Variants in MYBPC2 observed in about 807,000 individuals in gnomAD.
MYBPC2 encodes the protein myosin binding protein C2.
In MYBPC2, 122 loss-of-function variants were observed where a neutral mutation model predicts 137.0. That is an observed-to-expected ratio of 0.89 (90% CI 0.77 to 1.03). MYBPC2 has a LOEUF of 1.03. MYBPC2 is among the 50% of genes least tolerant of loss of function. The probability of loss-of-function intolerance (pLI) is 0.00; values close to 1 mark genes in which losing one functional copy is unlikely to be tolerated. For missense variants in MYBPC2, 1,500 were observed against 1,534.4 expected, an observed-to-expected ratio of 0.98 and a Z score of 0.37; for synonymous variants, 626 against 612.3, an observed-to-expected ratio of 1.02 and a Z score of -0.33.
rs375515374 is a variant in MYBPC2 at position 50,458,795 on chromosome 19, G to A, written c.2506+41G>A. 2.1e-5 allele frequency: 33 copies of A among 1,604,098 alleles called. No homozygotes were observed. In the African/African-American group the frequency reaches 3.5e-4, roughly 17 times the overall value. On this transcript the variant is annotated intron_variant, in intron 21 of 27. Coordinates refer to ENST00000357701, the MANE Select transcript of MYBPC2 (RefSeq NM_004533.4). ...CCCTGCGCTCCGAAAGACCAAGCTG[G>A]CGTCGTCCCGCCTGCCCTTTCCGTG...
chr19:50,444,495 T>C (rs936705574), intron 11 of MYBPC2, among the ~76,000 whole-genome samples: 1 of 152,216 alleles, frequency 6.6e-6, no homozygotes, highest in Non-Finnish European at 1.5e-5. Context: ...TTCATCCATC[T>C]ATGTACCTAT....
intron 12 of MYBPC2, among the ~76,000 whole-genome samples, chr19:50,446,546 G>A (rs970606817): frequency 6.7e-6 from 1 of 150,000 alleles, no homozygotes. Context: ...AAACCTGGGC[G>A]CGGTGGCTCA....
At position 50,443,137 on chromosome 19, in the gene MYBPC2, T is replaced by G. The variant is rs12976178; in HGVS notation, c.903-357T>G. Among the ~76,000 whole-genome samples, 902 of 151,814 alleles carry G rather than the reference T, an allele frequency of 5.9e-3. 8 individuals carry two copies. Among genetic ancestry groups the G allele is most frequent in the South Asian group, 0.028 (133 of 4,798 alleles). ...CGAGATCCCATCTCTACAAAAAAAT[T>G]AAAAAATTAGAAGATACCAAGAAAA... is the stretch of plus-strand genomic sequence containing the variant. On this transcript the variant is annotated intron_variant, in intron 9 of 27. Transcript: ENST00000357701.
At chr19:50,437,600 G>T in intron 6 of MYBPC2, 59 bp from the exon 7 acceptor site, 1 of 1,590,670 alleles carries the variant, frequency 6.3e-7, no homozygotes, top group East Asian at 2.3e-5. Context: ...GGGAGGATTG[G>T]GGAAGGCAAG....
At chr19:50,446,735 G>A (rs556181111) in intron 12 of MYBPC2, among the ~76,000 whole-genome samples, 8 of 149,058 alleles carry the variant, frequency 5.4e-5, no homozygotes, top group South Asian at 2.1e-4. Context: ...CAGGAGAATC[G>A]CTTGAACCCA....
rs531319415 is a variant in MYBPC2, at chr19:50,436,122, C to T, written c.307C>T (p.Arg103Cys). The T allele has an allele frequency of 1.8e-5, 29 of 1,581,372 alleles. No homozygotes were observed. The highest frequency in any genetic ancestry group is 2.3e-5 in the East Asian group (1 of 42,934). ...GGAGCTGGGCAGCAAGAGTGGCGCC[C>T]GCTTCTCCTTCAAGGAGTCCCACAA... Reference protein sequence around the residue: ...WLELGSKSGARFSFKESHNSA... With the variant: ...WLELGSKSGACFSFKESHNSA... The change falls in exon 4 of 28, where the codon CGC (arginine) becomes TGC (cysteine). Residue 103 changes from arginine (R) to cysteine (C), a missense_variant. Transcript: ENST00000357701.
Position 50,435,784 on chromosome 19 carries a change from C to G in MYBPC2, c.118C>G (p.Pro40Ala). ...TCCTGTCCCCTGAACAGAAGCCCCACCCGAGGACCAGTCCCCGACTGCAGA... is the reference window on the plus strand; with the variant it reads ...TCCTGTCCCCTGAACAGAAGCCCCAGCCGAGGACCAGTCCCCGACTGCAGA... ...APAEAPKEAP[P>A]EDQSPTAEEP... is the part of the protein sequence containing the mutation. Residue 40 changes from proline (P) to alanine (A), a missense_variant, in exon 3 of 28, where the codon CCC becomes GCC. Physicochemically the swap from Pro to Ala is conservative, Grantham distance 27. Transcript: ENST00000357701. This position sits in a 1 kb window ranked among gnomAD's most constrained non-coding sequence, Gnocchi z 4.8. 1 of 1,609,960 alleles carries G rather than the reference C, an allele frequency of 6.2e-7. No individual in the cohort carries two copies.
rs2039763529 is a variant in MYBPC2, at chr19:50,442,313, A to G, written c.902A>G (p.Lys301Arg). Reference protein sequence around the residue: ...KNGQEIKPSSKYVFENVGKKR... With the variant: ...KNGQEIKPSSRYVFENVGKKR... ...GGCCAGGAGATCAAACCAAGCAGCA[A>G]GTATGTGTGGGGTGGGCAGTCCCTG... The change falls in exon 9 of 28, where the codon AAG becomes AGG. Residue 301 changes from lysine (K) to arginine (R), a missense_variant and splice_region_variant. Transcript: ENST00000357701. The G allele has an allele frequency of 6.2e-7, 1 of 1,608,798 alleles. No individual in the cohort carries two copies. Among genetic ancestry groups the G allele is most frequent in the Non-Finnish European group, 8.5e-7 (1 of 1,177,704 alleles).
In MYBPC2 at chr19:50,443,800, G is replaced by T. The variant is rs764718000; in HGVS notation, c.1117G>T (p.Gly373Cys). The T allele has an allele frequency of 6.2e-7, 1 of 1,613,704 alleles. No homozygotes were observed. The highest frequency in any genetic ancestry group is 8.5e-7 in the Non-Finnish European group (1 of 1,179,772). ...AATGGCAGTGGAGGTGTCAGAAGAG[G>T]GTGCCCAGGTGATGTGGTAAGTGAC... ...VEMAVEVSEE[G>C]AQVMWMKDGV... The change falls in exon 11 of 28, where the codon GGT (glycine) becomes TGT (cysteine). Residue 373 changes from glycine (G) to cysteine (C), a missense_variant. By Grantham distance (159) the Gly-to-Cys change is radical. Coordinates refer to ENST00000357701, the MANE Select transcript of MYBPC2 (RefSeq NM_004533.4).
intron 14 of MYBPC2, among the ~76,000 whole-genome samples, 172 bp downstream of exon 14, chr19:50,451,107 C>T (rs1003525754): frequency 1.3e-5 from 2 of 152,136 alleles, no homozygotes; most frequent in African/African-American, 2.4e-5. Flanking sequence ...GCGCTGAACT[C>T]GCTGCCACCT....
Position 50,454,281 on chromosome 19 carries a change from G to A in MYBPC2, c.1926G>A (p.Pro642=), listed in dbSNP as rs558923030. The A allele has an allele frequency of 4.1e-4, 658 of 1,613,904 alleles. 6 individuals are homozygous for A. In the South Asian group the frequency reaches 6.8e-3, roughly 17 times the overall value. Residue 642 remains proline, a synonymous_variant, in exon 18 of 28, where the codon CCG becomes CCA. Transcript: ENST00000357701. The part of the protein sequence containing the change: ...FLQVVDVPDP[P]EAVRITSVGE... ...CCCCTGCAGATGTCCCAGACCCCCC[G>A]GAGGCTGTGCGCATCACCTCGGTTG...
intron 13 of MYBPC2, among the ~76,000 whole-genome samples, chr19:50,449,452 G>A (rs2039836441): frequency 6.6e-6 from 1 of 152,216 alleles, no homozygotes; most frequent in Non-Finnish European, 1.5e-5. Context: ...GGAAGCAAAT[G>A]AGACTTCTGT....
Position 50,455,628 on chromosome 19 carries a change from G to A in MYBPC2, c.2322G>A (p.Glu774=). 1 of 1,613,950 alleles carries A rather than the reference G, an allele frequency of 6.2e-7. No individual in the cohort carries two copies. Among genetic ancestry groups the A allele is most frequent in the East Asian group, 2.2e-5 (1 of 44,876 alleles). The change falls in exon 20 of 28, where the codon GAG becomes GAA. Residue 774 remains glutamate (E), a synonymous_variant. Transcript: ENST00000357701. ...GTGGCATCGATGGGTACCTGGTGGA[G>A]TACTGCCTGGAAGGCTGTGAGTGAC... ...GAGGIDGYLV[E]YCLEGSEEWV...
Position 50,455,644 on chromosome 19 carries a change from T to A in MYBPC2, c.2338T>A (p.Ser780Thr). 1 of 1,613,604 alleles carries A rather than the reference T, an allele frequency of 6.2e-7. No individual in the cohort carries two copies. Among genetic ancestry groups the A allele is most frequent in the Non-Finnish European group, 8.5e-7 (1 of 1,179,728 alleles). ...GYLVEYCLEG[S>T]EEWVPANTEP... The stretch of plus-strand genomic sequence containing the variant: ...CCTGGTGGAGTACTGCCTGGAAGGC[T>A]GTGAGTGACCCTGGCAGGGCTGGTG... Residue 780 changes from serine to threonine, a missense_variant and splice_region_variant, in exon 20 of 28, where the codon TCC (serine) becomes ACC (threonine). By Grantham distance (58) the Ser-to-Thr change is moderately conservative (BLOSUM62 1). Coordinates refer to ENST00000357701, the MANE Select transcript of MYBPC2 (RefSeq NM_004533.4).
intron 7 of MYBPC2, among the ~76,000 whole-genome samples, chr19:50,438,334 A>T (rs143098512): frequency 6.6e-6 from 1 of 152,268 alleles, no homozygotes; most frequent in Non-Finnish European, 1.5e-5. Flanking sequence ...GCAGGTGCAG[A>T]TAGACAGGTG....
chr19:50,433,111 TGGGG>T, intron 1 of MYBPC2, 139 bp downstream of exon 1: 1 of 1,102,260 alleles, frequency 9.1e-7, no homozygotes, highest in Non-Finnish European at 1.2e-6. Context: ...CTGTGCGGGA[TGGGG>T]GTTCCCGCAT....
At chr19:50,458,228 T>C (rs1328743047) in intron 20 of MYBPC2, among the ~76,000 whole-genome samples, 7 of 150,104 alleles carry the variant, frequency 4.7e-5, no homozygotes, top group Non-Finnish European at 1.0e-4. Flanking sequence ...GAGAATTACT[T>C]GAACCTGGGA....
At chr19:50,452,766 C>T (rs889984552) in intron 16 of MYBPC2, among the ~76,000 whole-genome samples, 2 of 152,038 alleles carry the variant, frequency 1.3e-5, no homozygotes, top group African/African-American at 4.8e-5. Flanking sequence ...CCATGTTGCC[C>T]GGGCTGGGCT....
intron 21 of MYBPC2, 41 bp downstream of exon 21, chr19:50,458,795 G>C: frequency 1.9e-6 from 3 of 1,604,098 alleles, no homozygotes; most frequent in Non-Finnish European, 2.5e-6. Flanking sequence ...GACCAAGCTG[G>C]CGTCGTCCCG....
Sources: gnomAD v4.1 joint callset for allele counts (sites outside exome capture counted in the v4.1 genomes callset) on GRCh38, gnomAD v4.1.1 for gene constraint, Gnocchi (gnomAD v3.1) non-coding constraint, MANE v1.5 for transcripts, NCBI Gene and HGNC (gene_info 2026-07-23, HGNC 2026-07-21) for gene names.